GRIN2B: variants seen among roughly 807,000 people sequenced by gnomAD.
GRIN2B encodes glutamate ionotropic receptor NMDA type subunit 2B, also known as glutamate receptor ionotropic, NMDA 2B.
Under a neutral mutation model 114.5 loss-of-function variants are expected in GRIN2B, and 5 were observed. The ratio of observed to expected loss-of-function variants is 0.04; its 90% CI spans 0.02 to 0.09. The LOEUF (loss-of-function observed/expected upper bound fraction) is 0.09, where lower values mean the gene tolerates loss of function less well. Ranked by LOEUF, GRIN2B falls within the 10% of genes least tolerant of loss-of-function variation. GRIN2B has a pLI of 1.00. For missense variants in GRIN2B, 1,108 were observed against 1,943.5 expected (o/e 0.57, Z 8.08); for synonymous variants, 787 against 745.1 (o/e 1.06, Z -0.92).
intron 2 of GRIN2B, among the ~76,000 whole-genome samples, chr12:13,893,031 T>C (rs372085219): frequency 1.3e-5 from 2 of 152,156 alleles, no homozygotes; most frequent in Non-Finnish European, 1.5e-5. Flanking sequence ...CTGTGACCCC[T>C]TGAGAATCAT....
At chr12:13,637,226 A>G (rs545863529) in intron 5 of GRIN2B, among the ~76,000 whole-genome samples, 117 of 152,308 alleles carry the variant, frequency 7.7e-4, no homozygotes, top group African/African-American at 2.7e-3. Context: ...GAGTTTTGAG[A>G]GCTAAAGAGA....
chr12:13,875,577 T>C (rs1178070590), intron 2 of GRIN2B, among the ~76,000 whole-genome samples: 1 of 152,090 alleles, frequency 6.6e-6, no homozygotes, highest in Non-Finnish European at 1.5e-5. Context: ...CGAAGAAGGC[T>C]ATTTCCAAGC....
At chr12:13,670,655 C>T (rs1950014803) in intron 5 of GRIN2B, among the ~76,000 whole-genome samples, 1 of 152,102 alleles carries the variant, frequency 6.6e-6, no homozygotes, top group African/African-American at 2.4e-5. Context: ...TGCAGCTGTC[C>T]CCCACTTAGG....
intron 10 of GRIN2B, among the ~76,000 whole-genome samples, chr12:13,590,303 C>T (rs1343939474): frequency 2.0e-5 from 3 of 152,040 alleles, no homozygotes; most frequent in Admixed American, 6.6e-5. Flanking sequence ...ACACGTACCA[C>T]GGTGGTTTGC....
intron 3 of GRIN2B, among the ~76,000 whole-genome samples, chr12:13,804,233 G>GTT (rs35452504): frequency 2.7e-4 from 39 of 143,756 alleles, no homozygotes; most frequent in Non-Finnish European, 5.0e-4. Context: ...TCTGTGGACT[G>GTT]TTTTTTTTTT....
At chr12:13,961,973 C>T (rs865956083) in intron 2 of GRIN2B, among the ~76,000 whole-genome samples, 52 of 152,230 alleles carry the variant, frequency 3.4e-4, no homozygotes, top group African/African-American at 1.1e-3. Context: ...TTCAAATATG[C>T]TGGTCCCTAA....
chr12:13,837,330 C>T (rs899348648), intron 3 of GRIN2B, among the ~76,000 whole-genome samples: 1 of 152,226 alleles, frequency 6.6e-6, no homozygotes, highest in African/African-American at 2.4e-5. Context: ...ACATGCATGT[C>T]CTGGCCCAAA....
chr12:13,790,713 T>C (rs1864305941), intron 3 of GRIN2B, among the ~76,000 whole-genome samples: 1 of 152,176 alleles, frequency 6.6e-6, no homozygotes, highest in Non-Finnish European at 1.5e-5. Context: ...AGTAGTGATT[T>C]TATAAAATAC....
chr12:13,676,827 C>A (rs929732440), intron 4 of GRIN2B, among the ~76,000 whole-genome samples: 2 of 152,034 alleles, frequency 1.3e-5, no homozygotes, highest in African/African-American at 4.8e-5. Flanking sequence ...GAAATCAGGG[C>A]TATTACACTA....
intron 2 of GRIN2B, among the ~76,000 whole-genome samples, chr12:13,953,227 C>T (rs1038104183): frequency 8.5e-5 from 13 of 152,186 alleles, no homozygotes; most frequent in African/African-American, 2.4e-4. Context: ...ACCAGATAGA[C>T]GCTGCATGGC....
chr12:13,754,453 T>C (rs1194687061), intron 3 of GRIN2B, among the ~76,000 whole-genome samples: 3 of 152,328 alleles, frequency 2.0e-5, no homozygotes, highest in Non-Finnish European at 4.4e-5. Context: ...AAAAATGTCA[T>C]TGAGCTACAC....
intron 4 of GRIN2B, among the ~76,000 whole-genome samples, chr12:13,695,439 C>T (rs1372137034): frequency 6.6e-6 from 1 of 152,168 alleles, no homozygotes; most frequent in East Asian, 1.9e-4. Context: ...GGGGAGCAAG[C>T]TTCAGGCTTC....
rs201175900 is a variant in GRIN2B at position 13,654,564 on chromosome 12, T to G, written c.1125+21181A>C. ...ATGATATACAGAACAGTCTTAGGAC[T>G]GGCTCCCCCAAACTGCTGGCTGCCA... On this transcript the variant is annotated intron_variant, in intron 5 of 13. Transcript: ENST00000609686. Among the ~76,000 whole-genome samples, 15 of 152,296 alleles carry G rather than the reference T, an allele frequency of 9.8e-5. No individual in the cohort carries two copies. In the East Asian group the frequency reaches 2.7e-3, roughly 27 times the overall value.
intron 3 of GRIN2B, among the ~76,000 whole-genome samples, chr12:13,852,888 A>C (rs886205456): frequency 6.6e-6 from 1 of 151,780 alleles, no homozygotes; most frequent in Non-Finnish European, 1.5e-5. Flanking sequence ...AAAAAACAGC[A>C]CCCTGCCAAT....
rs116518674 is a variant in GRIN2B, at chr12:13,943,948, T to C, written c.-19+35980A>G. ...TGATGTATCCCAGGCACTAGAACAG[T>C]TCATGGCACATAGTAGACGCTCAAT... is the stretch of plus-strand genomic sequence containing the variant. On this transcript the variant is annotated intron_variant, in intron 2 of 13. Transcript: ENST00000609686. 5.9e-3 allele frequency among the ~76,000 whole-genome samples: 897 copies of C among 152,292 alleles called. 11 individuals are homozygous for C. The highest frequency in any genetic ancestry group is 0.021 in the African/African-American group (853 of 41,570).
chr12:13,680,173 A>T (rs2136545133), intron 4 of GRIN2B, among the ~76,000 whole-genome samples: 1 of 152,278 alleles, frequency 6.6e-6, no homozygotes, highest in African/African-American at 2.4e-5. Context: ...AATCAATTTA[A>T]CTTTCCATAA....
chr12:13,847,133 G>C (rs116151071), intron 3 of GRIN2B, among the ~76,000 whole-genome samples: 1,524 of 152,216 alleles, frequency 0.01, 30 homozygotes, highest in African/African-American at 0.036. Context: ...ATTATATTGA[G>C]CTCAAACTCT....
At chr12:13,909,700 A>G (rs1196614149) in intron 2 of GRIN2B, among the ~76,000 whole-genome samples, 1 of 152,200 alleles carries the variant, frequency 6.6e-6, no homozygotes, top group African/African-American at 2.4e-5. Context: ...AAGGATAAGA[A>G]AGTGCCTTAA....
intron 10 of GRIN2B, among the ~76,000 whole-genome samples, chr12:13,588,539 A>G (rs1401344523): frequency 6.6e-6 from 1 of 152,224 alleles, no homozygotes; most frequent in Non-Finnish European, 1.5e-5. Flanking sequence ...AAGATATTAA[A>G]AGGATGAAGT....
Sources: gnomAD v4.1 joint callset for allele counts (sites outside exome capture counted in the v4.1 genomes callset) on GRCh38, gnomAD v4.1.1 for gene constraint, MANE v1.5 for transcripts, NCBI Gene and HGNC (gene_info 2026-07-23, HGNC 2026-07-21) for gene names.